Variants in FOXN2 observed in about 807,000 individuals in gnomAD.
FOXN2 encodes the protein forkhead box N2.
Under a neutral mutation model 41.2 loss-of-function variants are expected in FOXN2, and 19 were observed. The observed-to-expected ratio is 0.46, with a 90% confidence interval of 0.32 to 0.68. The LOEUF (loss-of-function observed/expected upper bound fraction) is 0.68, where lower values mean the gene tolerates loss of function less well. FOXN2 is among the 30% of genes least tolerant of loss of function. FOXN2 has a pLI of 0.03. For missense variants in FOXN2, 587 were observed against 509.4 expected, an observed-to-expected ratio of 1.15 and a Z score of -1.47; for synonymous variants, 195 against 176.8, an observed-to-expected ratio of 1.10 and a Z score of -0.82.
At chr2:48,322,290 ATTCTTTTTTTTT>A (rs1669381347) in intron 1 of FOXN2, among the ~76,000 whole-genome samples, 2 of 152,140 alleles carry the variant, frequency 1.3e-5, no homozygotes, top group East Asian at 3.9e-4. Flanking sequence ...ATTTTCCTAA[ATTCTTTTTTTTT>A]TAATTGTAAA....
chr2:48,336,104 TA>T (rs1362959563), intron 2 of FOXN2, among the ~76,000 whole-genome samples: 4 of 151,398 alleles, frequency 2.6e-5, no homozygotes, highest in African/African-American at 9.7e-5. Flanking sequence ...AGCTAGCATT[TA>T]AAGGACTTTT....
At chr2:48,366,453 A>G (rs924204051) in intron 5 of FOXN2, among the ~76,000 whole-genome samples, 1 of 151,980 alleles carries the variant, frequency 6.6e-6, no homozygotes, top group African/African-American at 2.4e-5. Flanking sequence ...CCTGGCAGAG[A>G]GAATCATAAC....
At chr2:48,360,482 T>A (rs936607596) in intron 4 of FOXN2, among the ~76,000 whole-genome samples, 1 of 152,100 alleles carries the variant, frequency 6.6e-6, no homozygotes, top group Non-Finnish European at 1.5e-5. Flanking sequence ...GAGGAGTGGT[T>A]GTAGCTGGAA....
At chr2:48,319,932 A>G (rs1669186434) in intron 1 of FOXN2, among the ~76,000 whole-genome samples, 1 of 151,314 alleles carries the variant, frequency 6.6e-6, no homozygotes. Context: ...TCACCTGGCC[A>G]ATCTTTAAAT....
chr2:48,333,198 T>G (rs1670125236), intron 2 of FOXN2, among the ~76,000 whole-genome samples: 1 of 152,052 alleles, frequency 6.6e-6, no homozygotes, highest in African/African-American at 2.4e-5. Flanking sequence ...AAGCAAGAAG[T>G]TTCTGATTTG....
intron 1 of FOXN2, among the ~76,000 whole-genome samples, chr2:48,325,001 A>G (rs569397524): frequency 5.9e-5 from 9 of 152,206 alleles, no homozygotes; most frequent in African/African-American, 2.2e-4. Flanking sequence ...AAAAGCAAGC[A>G]TATAGAGAAA....
At chr2:48,318,406 G>A (rs989468359) in intron 1 of FOXN2, among the ~76,000 whole-genome samples, 3 of 152,138 alleles carry the variant, frequency 2.0e-5, no homozygotes, top group African/African-American at 7.2e-5. Flanking sequence ...ATTAGACTGG[G>A]ATTATGAGTT....
intron 3 of FOXN2, among the ~76,000 whole-genome samples, chr2:48,357,162 C>T (rs760328770): frequency 2.0e-5 from 3 of 152,124 alleles, no homozygotes; most frequent in Admixed American, 1.3e-4. Flanking sequence ...GCCATGGTAA[C>T]GTAAACCAGA....
At chr2:48,335,466 A>T (rs981735739) in intron 2 of FOXN2, among the ~76,000 whole-genome samples, 2 of 151,818 alleles carry the variant, frequency 1.3e-5, no homozygotes, top group African/African-American at 2.4e-5. Context: ...CCTCCAAAGG[A>T]ATATTCAGGT....
intron 2 of FOXN2, among the ~76,000 whole-genome samples, chr2:48,340,141 A>C (rs890693023): frequency 9.2e-5 from 14 of 152,222 alleles, no homozygotes; most frequent in African/African-American, 3.4e-4. Context: ...GTGGAAAAGT[A>C]AGTCAAAATT....
chr2:48,336,443 G>T (rs1249708648), intron 2 of FOXN2, among the ~76,000 whole-genome samples: 1 of 147,588 alleles, frequency 6.8e-6, no homozygotes, highest in Non-Finnish European at 1.5e-5. Context: ...ATATGTGTGT[G>T]TGTGTGTGTG....
At chr2:48,371,092 A>G (rs1161189999) in intron 5 of FOXN2, among the ~76,000 whole-genome samples, 1 of 152,138 alleles carries the variant, frequency 6.6e-6, no homozygotes, top group Non-Finnish European at 1.5e-5. Flanking sequence ...CACCTTTGTC[A>G]AAAATCAGTC....
intron 2 of FOXN2, among the ~76,000 whole-genome samples, chr2:48,332,577 A>G (rs1670082879): frequency 6.6e-6 from 1 of 152,200 alleles, no homozygotes; most frequent in South Asian, 2.1e-4. Context: ...TTAACACTAG[A>G]CAAATATGTT....
intron 1 of FOXN2, among the ~76,000 whole-genome samples, chr2:48,317,594 G>GTTTT (rs1669005674): frequency 4.0e-5 from 2 of 49,544 alleles, no homozygotes; most frequent in Admixed American, 2.4e-4. Context: ...CTATAGTATT[G>GTTTT]CTTTTTTTTT....
chr2:48,315,793 C>G (rs13383364), intron 1 of FOXN2, among the ~76,000 whole-genome samples: 68,425 of 152,054 alleles, frequency 0.45, 15,614 homozygotes, highest in East Asian at 0.52. Context: ...GCTTCGCTGA[C>G]GACCCACACT....
intron 2 of FOXN2, among the ~76,000 whole-genome samples, chr2:48,339,753 T>C (rs899398461): frequency 3.9e-5 from 6 of 152,354 alleles, no homozygotes; most frequent in African/African-American, 7.2e-5. Flanking sequence ...ATTCTACTTC[T>C]TGACATATGT....
intron 5 of FOXN2, among the ~76,000 whole-genome samples, chr2:48,372,565 A>T (rs968487713): frequency 6.6e-6 from 1 of 152,186 alleles, no homozygotes; most frequent in Non-Finnish European, 1.5e-5. Context: ...TCAGACTAGT[A>T]TATCACCAAG....
At chr2:48,336,415 A>AG in intron 2 of FOXN2, among the ~76,000 whole-genome samples, 1 of 137,192 alleles carries the variant, frequency 7.3e-6, no homozygotes, top group East Asian at 2.5e-4. Flanking sequence ...TTCCAAAAAA[A>AG]AAAATATATA....
intron 2 of FOXN2, among the ~76,000 whole-genome samples, chr2:48,332,596 C>G (rs918292854): frequency 6.6e-6 from 1 of 152,096 alleles, no homozygotes; most frequent in African/African-American, 2.4e-5. Flanking sequence ...TTTTTAATTT[C>G]AAAACTTCAA....
Sources: allele counts gnomAD v4.1 joint callset (sites outside exome capture counted in the v4.1 genomes callset), GRCh38; gene constraint gnomAD v4.1.1; transcripts MANE v1.5; gene names NCBI Gene and HGNC (gene_info 2026-07-23, HGNC 2026-07-21).